The following GBE1 variants were observed in gnomAD, a reference collection of about 807,000 sequenced individuals.
GBE1 encodes the protein 1,4-alpha-glucan-branching enzyme.
Under a neutral mutation model 88.8 loss-of-function variants are expected in GBE1, and 70 were observed. That is an observed-to-expected ratio of 0.79 (90% CI 0.65 to 0.96). The LOEUF is 0.96. Ranked by LOEUF, GBE1 falls within the 40% of genes least tolerant of loss-of-function variation. The probability of loss-of-function intolerance (pLI) is 0.00; values close to 1 mark genes in which losing one functional copy is unlikely to be tolerated. For synonymous variants in GBE1, 284 were observed against 300.1 expected (o/e 0.95, Z 0.56); for missense variants, 872 against 871.0 (o/e 1.00, Z -0.01).
At chr3:81,667,258 G>T (rs376346357) in intron 3 of GBE1, among the ~76,000 whole-genome samples, 8 of 152,186 alleles carry the variant, frequency 5.3e-5, no homozygotes, top group African/African-American at 1.9e-4. Flanking sequence ...TCTATTGCTG[G>T]TGTAAAGGAA....
chr3:81,718,125 G>T (rs1032980142), intron 1 of GBE1, among the ~76,000 whole-genome samples: 2 of 151,778 alleles, frequency 1.3e-5, no homozygotes, highest in Non-Finnish European at 2.9e-5. Flanking sequence ...GACTACAGGC[G>T]TGCGCCACCA....
rs370550007 is a variant in GBE1 at position 81,499,263 on chromosome 3, T to C, written c.1935-36A>G. 7 of 1,215,356 alleles carry C rather than the reference T, an allele frequency of 5.8e-6. No individual in the cohort carries two copies. In the African/African-American group the frequency reaches 6.0e-5, roughly 10 times the overall value. 75.3% of individuals were successfully genotyped at this position (1,215,356 alleles called of 1,614,324 possible). A position where few individuals can be genotyped will look rare whatever the true frequency, so the allele number is the denominator to read the frequency against. On this transcript the variant is annotated intron_variant, in intron 14 of 15. Transcript: ENST00000429644. The stretch of plus-strand genomic sequence containing the variant: ...TAAGGAATTCACAACAGTTGAGGAG[T>C]TGAATGAGACATTGTAAAATACGTG...
chr3:81,737,345 ATATAAATATATATTTATATATT>A, intron 1 of GBE1, among the ~76,000 whole-genome samples: 2 of 106,576 alleles, frequency 1.9e-5, no homozygotes, highest in Non-Finnish European at 3.5e-5. Flanking sequence ...ATATATATTT[ATATAAATATATATTTATATATT>A]TATATATATT....
intron 14 of GBE1, among the ~76,000 whole-genome samples, chr3:81,516,954 T>C (rs1029929467): frequency 2.0e-5 from 3 of 151,632 alleles, no homozygotes; most frequent in Non-Finnish European, 3.0e-5. Flanking sequence ...TTTCTTGAGA[T>C]GGAGTCTATT....
Position 81,761,382 on chromosome 3 carries a change from G to A in GBE1, c.136C>T (p.Gln46Ter), listed in dbSNP as rs758286394. Residue 46 changes from glutamine to a stop codon, truncating the protein, a stop_gained, in exon 1 of 16, where the codon CAG becomes TAG. Coordinates refer to ENST00000429644, the MANE Select transcript of GBE1 (RefSeq NM_000158.4). LOFTEE classifies it high-confidence loss of function. The part of the protein sequence containing the change: ...PYLKPYAVDF[Q>*]RRYKQFSQIL... ...GTGGGATTCCGGCGGTACCTGCGCT[G>A]GAAGTCCACGGCGTAGGGCTTCAAG... The A allele has an allele frequency of 1.9e-6, 3 of 1,608,018 alleles. No homozygotes were observed. Among genetic ancestry groups the A allele is most frequent in the Non-Finnish European group, 2.6e-6 (3 of 1,175,912 alleles).
At chr3:81,536,851 C>G in intron 13 of GBE1, 60 bp downstream of exon 13, 1 of 1,289,672 alleles carries the variant, frequency 7.8e-7, no homozygotes, top group Non-Finnish European at 1.1e-6. Flanking sequence ...AAATTGGTTG[C>G]CATTCTAGGC....
At chr3:81,552,182 G>A (rs1703280345) in intron 12 of GBE1, among the ~76,000 whole-genome samples, 1 of 152,186 alleles carries the variant, frequency 6.6e-6, no homozygotes, top group African/African-American at 2.4e-5. Context: ...GGCAAAGACA[G>A]GATAGTGGGT....
chr3:81,674,319 T>C (rs1032049581), intron 2 of GBE1, among the ~76,000 whole-genome samples: 4 of 151,922 alleles, frequency 2.6e-5, no homozygotes, highest in Admixed American at 1.3e-4. Flanking sequence ...ACAGCTTTAC[T>C]CCACAGAATA....
chr3:81,604,448 G>A (rs1467914357), intron 7 of GBE1, among the ~76,000 whole-genome samples: 1 of 151,704 alleles, frequency 6.6e-6, no homozygotes, highest in African/African-American at 2.4e-5. Flanking sequence ...CACGACGCCA[G>A]GCTAATTTTT....
intron 14 of GBE1, chr3:81,534,741 C>T (rs1194631752): frequency 6.6e-6 from 1 of 152,332 alleles, no homozygotes; most frequent in African/African-American, 2.4e-5. Flanking sequence ...ACAATCGTCT[C>T]CCATATTGCT....
At chr3:81,616,139 T>G (rs1704245268) in intron 7 of GBE1, among the ~76,000 whole-genome samples, 1 of 152,244 alleles carries the variant, frequency 6.6e-6, no homozygotes, top group African/African-American at 2.4e-5. Flanking sequence ...CCTCTTTGGG[T>G]ATATGCTTTG....
intron 12 of GBE1, among the ~76,000 whole-genome samples, chr3:81,568,886 TTG>T (rs1161123909): frequency 6.6e-6 from 1 of 152,082 alleles, no homozygotes; most frequent in Admixed American, 6.6e-5. Context: ...TATACACAGA[TTG>T]TGAGCTAAAT....
chr3:81,652,246 G>A (rs1183517953), intron 3 of GBE1, among the ~76,000 whole-genome samples: 1 of 152,176 alleles, frequency 6.6e-6, no homozygotes. Context: ...AGGACAAGGG[G>A]AGCCAATGAA....
intron 1 of GBE1, among the ~76,000 whole-genome samples, chr3:81,730,230 G>C (rs1047999813): frequency 1.3e-5 from 2 of 152,112 alleles, no homozygotes; most frequent in Non-Finnish European, 2.9e-5. Context: ...AGAAGAGTCT[G>C]CTGAAGTCTC....
chr3:81,586,242 G>T, intron 9 of GBE1, 52 bp from the exon 10 acceptor site: 1 of 1,095,732 alleles, frequency 9.1e-7, no homozygotes, highest in South Asian at 1.5e-5. Context: ...TAAATATTCT[G>T]ACTGTAAAGC....
At chr3:81,589,597 CAGA>C (rs149687323) in intron 9 of GBE1, among the ~76,000 whole-genome samples, 2,665 of 151,088 alleles carry the variant, frequency 0.018, 97 homozygotes, top group African/African-American at 0.062. Context: ...ATAATCAGAC[CAGA>C]GCTCCCTAGA....
At chr3:81,536,206 A>G (rs1381422330) in intron 13 of GBE1, among the ~76,000 whole-genome samples, 1 of 151,974 alleles carries the variant, frequency 6.6e-6, no homozygotes, top group Non-Finnish European at 1.5e-5. Context: ...ACCTTTGTTC[A>G]GCCATTAAAA....
intron 15 of GBE1, among the ~76,000 whole-genome samples, chr3:81,496,072 T>A (rs990801448): frequency 6.6e-6 from 1 of 152,210 alleles, no homozygotes; most frequent in African/African-American, 2.4e-5. Context: ...GGAAGTCCCC[T>A]GCCTCCAGTG....
rs779389850 is a variant in GBE1, at chr3:81,615,434, C to T, written c.993-21411G>A. Among the ~76,000 whole-genome samples, 5 of 152,148 alleles carry T rather than the reference C, an allele frequency of 3.3e-5. No individual in the cohort carries two copies. The East Asian group carries it at 7.7e-4, about 23-fold the overall frequency. ...TTTCATAGTTGCATCCAGAGCACTC[C>T]TGTTTTCTCACCACCACCCTCAGCC... On this transcript the variant is annotated intron_variant, in intron 7 of 15. Transcript: ENST00000429644.
Sources: gnomAD v4.1 joint callset for allele counts (sites outside exome capture counted in the v4.1 genomes callset) on GRCh38, gnomAD v4.1.1 for gene constraint, MANE v1.5 for transcripts, NCBI Gene and HGNC (gene_info 2026-07-23, HGNC 2026-07-21) for gene names.